The following ATP2C2 variants were observed in gnomAD, a reference collection of about 807,000 sequenced individuals.
ATP2C2 encodes ATPase secretory pathway Ca2+ transporting 2, also known as calcium-transporting ATPase type 2C member 2.
ATP2C2 carries 171 observed loss-of-function variants against 110.8 expected under a neutral mutation model. The observed-to-expected ratio is 1.54, with a 90% CI of 1.36 to 1.75. ATP2C2 has a LOEUF of 1.75. ATP2C2 is among the 40% of genes most tolerant of loss of function. The pLI, the probability that ATP2C2 is intolerant of heterozygous loss-of-function variation, is 0.00. For missense variants in ATP2C2, 1,963 were observed against 1,235.0 expected (o/e 1.59, Z -8.84); for synonymous variants, 804 against 508.4 (o/e 1.58, Z -7.82).
intron 26 of ATP2C2, chr16:84,462,555 C>A: frequency 6.2e-6 from 1 of 161,588 alleles, no homozygotes; most frequent in Admixed American, 6.0e-5. Flanking sequence ...GGCTGTCTTC[C>A]AGTTTTGGCT....
chr16:84,462,398 G>C (rs410471), intron 26 of ATP2C2: 96,159 of 388,336 alleles, frequency 0.25, 12,665 homozygotes, highest in South Asian at 0.42. Flanking sequence ...CCCAGGCGTC[G>C]GGCTGGAGGC....
intron 4 of ATP2C2, among the ~76,000 whole-genome samples, chr16:84,409,166 G>A (rs1051316194): frequency 6.6e-6 from 1 of 152,074 alleles, no homozygotes; most frequent in African/African-American, 2.4e-5. Flanking sequence ...GGATGAAGCT[G>A]GAAACCATCA....
At chr16:84,430,932 T>G (rs1287534450) in intron 11 of ATP2C2, among the ~76,000 whole-genome samples, 1 of 152,058 alleles carries the variant, frequency 6.6e-6, no homozygotes, top group Non-Finnish European at 1.5e-5. Flanking sequence ...GGATGGGGAC[T>G]CTGCTGCCAG....
intron 2 of ATP2C2, among the ~76,000 whole-genome samples, 182 bp downstream of exon 2, chr16:84,398,791 A>T (rs1331221127): frequency 4.6e-5 from 7 of 152,234 alleles, no homozygotes; most frequent in Non-Finnish European, 1.0e-4. Context: ...AGTACTTGTC[A>T]GTAGAGCTCG....
chr16:84,435,796 C>T (rs1366018843), intron 11 of ATP2C2, among the ~76,000 whole-genome samples: 1 of 151,562 alleles, frequency 6.6e-6, no homozygotes, highest in African/African-American at 2.4e-5. Flanking sequence ...CACTGCACTC[C>T]AGCCTGGGCG....
chr16:84,461,705 A>C lies in ATP2C2; in HGVS notation c.2482-9A>C, dbSNP rs757855552. The C allele has an allele frequency of 1.5e-5, 24 of 1,612,636 alleles. No individual in the cohort carries two copies. The highest frequency in any genetic ancestry group is 2.0e-5 in the Non-Finnish European group (23 of 1,178,758). Reference sequence around the variant, plus strand: ...CGCCTAACCTCTCACCTTTGTGCTCACCTTCCAGATGCCTGAAGACAGAGC... The same window carrying C: ...CGCCTAACCTCTCACCTTTGTGCTCCCCTTCCAGATGCCTGAAGACAGAGC... On this transcript the variant is annotated splice_polypyrimidine_tract_variant and intron_variant, in intron 24 of 26. Coordinates refer to ENST00000262429, the MANE Select transcript of ATP2C2 (RefSeq NM_014861.4).
intron 11 of ATP2C2, among the ~76,000 whole-genome samples, chr16:84,431,026 G>C (rs576893294): frequency 6.6e-6 from 1 of 152,212 alleles, no homozygotes; most frequent in African/African-American, 2.4e-5. Context: ...TTGGGCATCT[G>C]TTGACTCTCT....
intron 23 of ATP2C2, 108 bp downstream of exon 23, chr16:84,459,494 A>G: frequency 6.3e-7 from 1 of 1,585,974 alleles, no homozygotes; most frequent in Non-Finnish European, 8.6e-7. Context: ...AAATACAGCC[A>G]CTTTCCATCA....
At chr16:84,419,744 C>T (rs901387067) in intron 7 of ATP2C2, among the ~76,000 whole-genome samples, 3 of 152,082 alleles carry the variant, frequency 2.0e-5, no homozygotes, top group African/African-American at 4.8e-5. Flanking sequence ...GGCTGGGTAC[C>T]GAGGACACCG....
intron 6 of ATP2C2, among the ~76,000 whole-genome samples, chr16:84,413,137 C>T (rs796917981): frequency 2.6e-5 from 4 of 151,562 alleles, no homozygotes; most frequent in African/African-American, 9.7e-5. Context: ...TCTGGGGTGT[C>T]TGGGAACAAC....
intron 1 of ATP2C2, among the ~76,000 whole-genome samples, chr16:84,380,695 G>C (rs1262692988): frequency 2.6e-5 from 4 of 152,192 alleles, no homozygotes; most frequent in African/African-American, 7.2e-5. Flanking sequence ...CGCCAGCTGT[G>C]AGACCTCGGG....
chr16:84,403,546 A>C (rs1905485043), intron 2 of ATP2C2, among the ~76,000 whole-genome samples: 2 of 152,094 alleles, frequency 1.3e-5, no homozygotes, highest in African/African-American at 2.4e-5. Flanking sequence ...GGGTTCAAGC[A>C]ATCTCCCCAC....
chr16:84,436,419 CCCAGGGCCTGGACCGGGCGTGTCT>C (rs1487785429), intron 11 of ATP2C2, among the ~76,000 whole-genome samples: 1 of 152,080 alleles, frequency 6.6e-6, no homozygotes, highest in Non-Finnish European at 1.5e-5. Flanking sequence ...GCAGCCTGGC[CCCAGGGCCTGGACCGGGCGTGTCT>C]CGAGGGGCTT....
chr16:84,441,039 A>G (rs1470482145), intron 14 of ATP2C2, 81 bp downstream of exon 14: 8 of 1,200,600 alleles, frequency 6.7e-6, no homozygotes, highest in Non-Finnish European at 9.7e-6. Context: ...GGAAACAGCC[A>G]TTGAACCTAC....
chr16:84,439,149 T>C lies in ATP2C2; in HGVS notation c.987-17T>C. 3.1e-6 allele frequency: 5 copies of C among 1,612,036 alleles called. No homozygotes were observed. Among genetic ancestry groups the C allele is most frequent in the Non-Finnish European group, 4.2e-6 (5 of 1,179,944 alleles). Reference sequence around the variant, plus strand: ...CTTAAATGTGTTAGAGGGGACTCATTTGACCTTTCGATCCAGCCTGGCTGT... The same window carrying C: ...CTTAAATGTGTTAGAGGGGACTCATCTGACCTTTCGATCCAGCCTGGCTGT... On this transcript the variant is annotated splice_polypyrimidine_tract_variant and intron_variant, in intron 11 of 26. Coordinates refer to ENST00000262429, the MANE Select transcript of ATP2C2 (RefSeq NM_014861.4).
At position 84,453,193 on chromosome 16, in the gene ATP2C2, G is replaced by A. The variant is rs766376623; in HGVS notation, c.1887G>A (p.Val629=). ...TGCAAGCCATGTCCGGGGAGGAGGT[G>A]GACAGCGTGGAGAAGGGCGAGCTGG... ...GKLQAMSGEE[V]DSVEKGELAD... is the part of the protein sequence containing the mutation. The change falls in exon 19 of 27, where the codon GTG becomes GTA. Residue 629 remains valine (V), a synonymous_variant. Transcript: ENST00000262429. 5 of 1,613,954 alleles carry A rather than the reference G, an allele frequency of 3.1e-6. No homozygotes were observed. The highest frequency in any genetic ancestry group is 4.2e-6 in the Non-Finnish European group (5 of 1,179,902).
At chr16:84,399,322 G>T (rs777235927) in intron 2 of ATP2C2, among the ~76,000 whole-genome samples, 2 of 152,186 alleles carry the variant, frequency 1.3e-5, no homozygotes, top group African/African-American at 4.8e-5. Context: ...TATTTGGAGA[G>T]GGGGAGGAAG....
chr16:84,425,593 CG>C (rs1465549515), intron 10 of ATP2C2, 141 bp from the exon 11 acceptor site: 18 of 894,546 alleles, frequency 2.0e-5, no homozygotes, highest in Non-Finnish European at 3.3e-5. Flanking sequence ...AGAGAAGAGA[CG>C]GGTTGAAAGT....
chr16:84,399,793 T>C (rs1905210082), intron 2 of ATP2C2, among the ~76,000 whole-genome samples: 1 of 152,202 alleles, frequency 6.6e-6, no homozygotes, highest in Non-Finnish European at 1.5e-5. Context: ...TGAGTTATTT[T>C]AAAATGTACA....
Sources: allele counts gnomAD v4.1 joint callset (sites outside exome capture counted in the v4.1 genomes callset), GRCh38; gene constraint gnomAD v4.1.1; transcripts MANE v1.5; gene names NCBI Gene and HGNC (gene_info 2026-07-23, HGNC 2026-07-21).